SH3BGRL2: variants seen among roughly 807,000 people sequenced by gnomAD.
The protein encoded by SH3BGRL2 is SH3 domain binding glutamate rich protein like 2.
SH3BGRL2 carries 21 observed loss-of-function variants against 14.8 expected under a neutral mutation model. The ratio of observed to expected loss-of-function variants is 1.42; its 90% confidence interval spans 1.01 to 2.05. The LOEUF (loss-of-function observed/expected upper bound fraction) is 2.05. Ranked by LOEUF, SH3BGRL2 falls within the 30% of genes most tolerant of loss-of-function variation. SH3BGRL2 has a pLI of 0.00. For synonymous variants in SH3BGRL2, 50 were observed against 47.8 expected, an observed-to-expected ratio of 1.05 and a Z score of -0.19; for missense variants, 147 against 130.8, an observed-to-expected ratio of 1.12 and a Z score of -0.61.
chr6:79,562,957 T>A, the SH3BGRL2 span, among the ~76,000 whole-genome samples: 1 of 152,024 alleles, frequency 6.6e-6, no homozygotes, highest in South Asian at 2.1e-4. Flanking sequence ...TTTTGTTTGT[T>A]TGTTTGCTTG....
chr6:79,635,289 C>G (rs967713562), intron 1 of SH3BGRL2, among the ~76,000 whole-genome samples: 1 of 152,182 alleles, frequency 6.6e-6, no homozygotes, highest in South Asian at 2.1e-4. Context: ...GCCCAACCAC[C>G]TAATTTTTTG....
At chr6:79,542,285 G>A in the SH3BGRL2 span, among the ~76,000 whole-genome samples, 1 of 138,644 alleles carries the variant, frequency 7.2e-6, no homozygotes, top group African/African-American at 2.7e-5. Flanking sequence ...TTTTTTTTCC[G>A]AGACAGGGTT....
chr6:79,596,333 AT>A, the SH3BGRL2 span, among the ~76,000 whole-genome samples: 6 of 147,542 alleles, frequency 4.1e-5, no homozygotes, highest in East Asian at 1.2e-3. Flanking sequence ...TTGTTAAAAA[AT>A]TTTTTTGTAG....
At chr6:79,539,100 T>TA in the SH3BGRL2 span, among the ~76,000 whole-genome samples, 2 of 152,206 alleles carry the variant, frequency 1.3e-5, no homozygotes, top group Non-Finnish European at 2.9e-5. Flanking sequence ...TCAGGATTCT[T>TA]ACAGTGTGCA....
At chr6:79,672,559 C>CTTTTTAAG (rs1769795609) in intron 1 of SH3BGRL2, among the ~76,000 whole-genome samples, 1 of 151,934 alleles carries the variant, frequency 6.6e-6, no homozygotes, top group African/African-American at 2.4e-5. Flanking sequence ...AAGCTGCATA[C>CTTTTTAAG]TATTAAAGTG....
the SH3BGRL2 span, among the ~76,000 whole-genome samples, chr6:79,603,190 T>C: frequency 6.6e-6 from 1 of 152,204 alleles, no homozygotes; most frequent in Admixed American, 6.5e-5. Context: ...ATTTTTATTA[T>C]TTTTTAAAAG....
intron 1 of SH3BGRL2, among the ~76,000 whole-genome samples, chr6:79,647,253 C>A (rs1334016920): frequency 6.6e-6 from 1 of 151,706 alleles, no homozygotes; most frequent in Non-Finnish European, 1.5e-5. Context: ...GCAGTGGTAT[C>A]TCAGTGTGGT....
At chr6:79,540,102 T>G in the SH3BGRL2 span, among the ~76,000 whole-genome samples, 1 of 152,146 alleles carries the variant, frequency 6.6e-6, no homozygotes, top group African/African-American at 2.4e-5. Flanking sequence ...GCTGCATGTT[T>G]AAGAGAAATC....
the SH3BGRL2 span, among the ~76,000 whole-genome samples, chr6:79,619,777 GT>G: frequency 2.4e-4 from 36 of 152,254 alleles, 1 homozygote; most frequent in African/African-American, 8.4e-4. Flanking sequence ...ATACACCTTG[GT>G]TTTAGCTTCT....
chr6:79,615,058 A>T, the SH3BGRL2 span, among the ~76,000 whole-genome samples: 1 of 152,126 alleles, frequency 6.6e-6, no homozygotes, highest in African/African-American at 2.4e-5. Context: ...CTGATAAGGC[A>T]CTAAGCAGAG....
chr6:79,590,186 T>G, the SH3BGRL2 span, among the ~76,000 whole-genome samples: 1 of 151,908 alleles, frequency 6.6e-6, no homozygotes, highest in Non-Finnish European at 1.5e-5. Flanking sequence ...AAAGGGATGT[T>G]TATACACCAA....
chr6:79,692,453 T>C (rs368178116), intron 2 of SH3BGRL2, among the ~76,000 whole-genome samples: 1 of 152,216 alleles, frequency 6.6e-6, no homozygotes, highest in Admixed American at 6.6e-5. Context: ...CTGAATGGTA[T>C]TGCGTAGGTT....
chr6:79,699,653 G>C lies in SH3BGRL2; in HGVS notation c.*144G>C. Reference sequence around the variant, plus strand: ...TGCCACGGAAAAGGTGTTTTTGAAAGATGTGGCTATAATGAGAATTGCATG... The same window carrying C: ...TGCCACGGAAAAGGTGTTTTTGAAACATGTGGCTATAATGAGAATTGCATG... On this transcript the variant is annotated 3_prime_UTR_variant, in exon 4 of 4. Coordinates refer to ENST00000369838, the MANE Select transcript of SH3BGRL2 (RefSeq NM_031469.4). The C allele has an allele frequency of 2.6e-6, 3 of 1,143,978 alleles. No individual in the cohort carries two copies. The highest frequency in any genetic ancestry group is 3.5e-6 in the Non-Finnish European group (3 of 851,274). The allele number at this position is 1,143,978 out of a possible 1,614,324, so 70.9% of individuals were successfully genotyped here.
At chr6:79,608,695 C>A in the SH3BGRL2 span, among the ~76,000 whole-genome samples, 30,274 of 152,058 alleles carry the variant, frequency 0.2, 3,198 homozygotes, top group Non-Finnish European at 0.22. Flanking sequence ...ATTTTTGTTG[C>A]ATGTTTTTCA....
At chr6:79,692,737 C>A (rs151305702) in intron 2 of SH3BGRL2, among the ~76,000 whole-genome samples, 20,490 of 152,110 alleles carry the variant, frequency 0.13, 1,564 homozygotes, top group Non-Finnish European at 0.17. Flanking sequence ...GGTACCAGTA[C>A]CATGCTGTTT....
At chr6:79,578,660 T>C in the SH3BGRL2 span, among the ~76,000 whole-genome samples, 1 of 152,100 alleles carries the variant, frequency 6.6e-6, no homozygotes, top group Non-Finnish European at 1.5e-5. Context: ...CAACATCAAA[T>C]ACCAAAGGTT....
chr6:79,636,022 A>G (rs1768914705), intron 1 of SH3BGRL2, among the ~76,000 whole-genome samples: 1 of 152,218 alleles, frequency 6.6e-6, no homozygotes, highest in African/African-American at 2.4e-5. Context: ...ATCATGTAGA[A>G]TAGAGTGGGT....
chr6:79,695,539 C>A (rs1469105277), intron 2 of SH3BGRL2, among the ~76,000 whole-genome samples: 1 of 152,120 alleles, frequency 6.6e-6, no homozygotes, highest in Non-Finnish European at 1.5e-5. Flanking sequence ...GCAGGATGCA[C>A]CCTAGAGTAC....
the SH3BGRL2 span, among the ~76,000 whole-genome samples, chr6:79,594,042 C>T: frequency 6.7e-6 from 1 of 150,020 alleles, no homozygotes; most frequent in Admixed American, 6.6e-5. Flanking sequence ...AAAAAAAACC[C>T]AAAAACTTCA....
Sources: gnomAD v4.1 joint callset for allele counts (sites outside exome capture counted in the v4.1 genomes callset) on GRCh38, gnomAD v4.1.1 for gene constraint, MANE v1.5 for transcripts, NCBI Gene and HGNC (gene_info 2026-07-23, HGNC 2026-07-21) for gene names.